Variants in PLD5 observed in about 807,000 individuals in gnomAD.
The protein encoded by PLD5 is phospholipase D family member 5, also known as inactive phospholipase D5.
A neutral mutation model predicts 61.1 loss-of-function variants in PLD5; 36 were observed. The ratio of observed to expected loss-of-function variants is 0.59; its 90% CI spans 0.45 to 0.78. The LOEUF (loss-of-function observed/expected upper bound fraction) is 0.78, where lower values mean the gene tolerates loss of function less well. Among genes scored for constraint, PLD5 ranks in the 30% least tolerant of loss-of-function variants. The probability of loss-of-function intolerance (pLI) is 0.00; values close to 1 mark genes in which losing one functional copy is unlikely to be tolerated. For missense variants in PLD5, 515 were observed against 644.4 expected (o/e 0.80, Z 2.17); for synonymous variants, 243 against 242.8 (o/e 1.00, Z -0.01).
intron 1 of PLD5, among the ~76,000 whole-genome samples, chr1:242,452,152 A>T (rs1666803906): frequency 6.6e-6 from 1 of 152,080 alleles, no homozygotes; most frequent in African/African-American, 2.4e-5. Context: ...ATCTAAGCAG[A>T]TGTAGAATCA....
intron 1 of PLD5, among the ~76,000 whole-genome samples, chr1:242,500,714 C>A (rs1224066445): frequency 6.6e-6 from 1 of 151,954 alleles, no homozygotes; most frequent in Non-Finnish European, 1.5e-5. Flanking sequence ...GGTACAGAGC[C>A]CAGGAGCCTA....
intron 1 of PLD5, among the ~76,000 whole-genome samples, chr1:242,439,803 T>C (rs565423369): frequency 6.6e-6 from 1 of 152,258 alleles, no homozygotes; most frequent in South Asian, 2.1e-4. Context: ...GGGTCACACC[T>C]GCAATAAGTG....
In PLD5 at chr1:242,407,996, TTA is replaced by T. The variant is rs566800237; in HGVS notation, c.190-59756_190-59755del. On this transcript the variant is annotated intron_variant, in intron 1 of 9. Coordinates refer to ENST00000536534, the MANE Select transcript of PLD5 (RefSeq NM_001372062.1). ...CACTGCACGTAGCTATTAATATTTT[TTA>T]TTTTTTTAATAGCTGAAAGCTACTT... Among the ~76,000 whole-genome samples, 175 of 152,346 alleles carry T rather than the reference TTA, an allele frequency of 1.1e-3. 1 individual carries two copies. The highest frequency in any genetic ancestry group is 3.5e-3 in the African/African-American group (147 of 41,568).
intron 1 of PLD5, among the ~76,000 whole-genome samples, chr1:242,372,077 G>A (rs1489377985): frequency 3.9e-5 from 6 of 152,058 alleles, no homozygotes; most frequent in Admixed American, 2.0e-4. Flanking sequence ...CCCTGTGTCC[G>A]TGTGTTCTCA....
chr1:242,233,372 C>T (rs1479686995), intron 4 of PLD5, among the ~76,000 whole-genome samples: 1 of 152,176 alleles, frequency 6.6e-6, no homozygotes, highest in Admixed American at 6.5e-5. Context: ...ATTCAGGATT[C>T]TCCTGGCCTC....
chr1:242,487,670 A>G (rs1668007372), intron 1 of PLD5, among the ~76,000 whole-genome samples: 1 of 152,196 alleles, frequency 6.6e-6, no homozygotes, highest in Admixed American at 6.5e-5. Context: ...TCTAAAATAC[A>G]CTAAGAACTC....
At chr1:242,197,191 C>T (rs1189917507) in intron 5 of PLD5, among the ~76,000 whole-genome samples, 3 of 152,182 alleles carry the variant, frequency 2.0e-5, no homozygotes, top group Non-Finnish European at 4.4e-5. Context: ...CTGCCTTCCT[C>T]CCCTTCCTTA....
intron 1 of PLD5, 124 bp from the exon 2 acceptor site, chr1:242,348,366 A>G (rs1352395546): frequency 1.9e-6 from 2 of 1,076,664 alleles, no homozygotes; most frequent in East Asian, 5.2e-5. Context: ...ACTGCCTAGA[A>G]GGGAAATCTA....
chr1:242,250,035 G>A (rs1432481302), intron 4 of PLD5, among the ~76,000 whole-genome samples: 1 of 152,164 alleles, frequency 6.6e-6, no homozygotes, highest in Non-Finnish European at 1.5e-5. Context: ...TTCATATGAA[G>A]AAAGTTATTC....
intron 6 of PLD5, among the ~76,000 whole-genome samples, chr1:242,118,485 G>A (rs1484824723): frequency 1.3e-5 from 2 of 152,222 alleles, no homozygotes; most frequent in African/African-American, 4.8e-5. Context: ...TTAGCCACTT[G>A]CTTGTGAGCT....
chr1:242,381,460 G>T (rs933057109), intron 1 of PLD5, among the ~76,000 whole-genome samples: 4 of 152,118 alleles, frequency 2.6e-5, no homozygotes, highest in Non-Finnish European at 5.9e-5. Context: ...ATACCTAGGT[G>T]ATGGTTGATC....
In PLD5 at chr1:242,469,521, C is replaced by T. The variant is rs187796462; in HGVS notation, c.189+54567G>A. Among the ~76,000 whole-genome samples the T allele has an allele frequency of 2.9e-3, 436 of 152,174 alleles. 7 individuals carry two copies. Among genetic ancestry groups the T allele is most frequent in the Non-Finnish European group, 1.1e-3 (77 of 68,012 alleles). On this transcript the variant is annotated intron_variant, in intron 1 of 9. Coordinates refer to ENST00000536534, the MANE Select transcript of PLD5 (RefSeq NM_001372062.1). Reference sequence around the variant, plus strand: ...GTCTTTTCTCATGTATTTGTAAAAGCTTTGTTTTCGATAGGGTCTTGCTCT... The same window carrying T: ...GTCTTTTCTCATGTATTTGTAAAAGTTTTGTTTTCGATAGGGTCTTGCTCT...
intron 1 of PLD5, among the ~76,000 whole-genome samples, chr1:242,516,857 T>G (rs1669120885): frequency 6.6e-6 from 1 of 152,210 alleles, no homozygotes; most frequent in Non-Finnish European, 1.5e-5. Flanking sequence ...CACACAAACT[T>G]GTTGACATTT....
chr1:242,499,076 G>T (rs1359048989), intron 1 of PLD5, among the ~76,000 whole-genome samples: 1 of 152,112 alleles, frequency 6.6e-6, no homozygotes, highest in Non-Finnish European at 1.5e-5. Context: ...CCCCAAAAGA[G>T]GAAGGATTCG....
At chr1:242,333,526 T>G (rs1659320300) in intron 2 of PLD5, among the ~76,000 whole-genome samples, 1 of 152,136 alleles carries the variant, frequency 6.6e-6, no homozygotes, top group African/African-American at 2.4e-5. Context: ...GGCAGGAGTG[T>G]ACCAGGGACT....
At chr1:242,301,863 C>T (rs1156585519) in intron 2 of PLD5, among the ~76,000 whole-genome samples, 1 of 151,680 alleles carries the variant, frequency 6.6e-6, no homozygotes, top group African/African-American at 2.4e-5. Context: ...CTGCAACCTC[C>T]ACCTCCCGGG....
chr1:242,404,246 G>A (rs1159668914), intron 1 of PLD5, among the ~76,000 whole-genome samples: 1 of 152,158 alleles, frequency 6.6e-6, no homozygotes, highest in Non-Finnish European at 1.5e-5. Flanking sequence ...TCTGGGGTGT[G>A]GAGAGAGGTC....
chr1:242,412,297 C>T (rs1450044825), intron 1 of PLD5, among the ~76,000 whole-genome samples: 1 of 152,146 alleles, frequency 6.6e-6, no homozygotes, highest in Non-Finnish European at 1.5e-5. Flanking sequence ...GGTTTGGGGT[C>T]CCCTTGGTCA....
chr1:242,161,468 G>GA (rs5782218), intron 5 of PLD5, among the ~76,000 whole-genome samples: 2 of 151,272 alleles, frequency 1.3e-5, no homozygotes, highest in Admixed American at 6.6e-5. Flanking sequence ...TGTGGGAACA[G>GA]AAAAAAAAAA....
Sources: allele counts gnomAD v4.1 joint callset (sites outside exome capture counted in the v4.1 genomes callset), GRCh38; gene constraint gnomAD v4.1.1; transcripts MANE v1.5; gene names NCBI Gene and HGNC (gene_info 2026-07-23, HGNC 2026-07-21).